The following DNAH8 variants were observed in gnomAD, a reference collection of about 807,000 sequenced individuals.
DNAH8 encodes the protein axonemal beta dynein heavy chain 8.
A neutral mutation model predicts 562.1 loss-of-function variants in DNAH8; 382 were observed. That is an observed-to-expected ratio of 0.68 (90% confidence interval 0.63 to 0.74). The LOEUF (loss-of-function observed/expected upper bound fraction) is 0.74. Ranked by LOEUF, DNAH8 falls within the 30% of genes least tolerant of loss-of-function variation. The pLI is 0.00. For synonymous variants in DNAH8, 1,881 were observed against 1,919.4 expected (o/e 0.98, Z 0.52); for missense variants, 5,203 against 5,620.4 (o/e 0.93, Z 2.37).
At chr6:38,778,053 T>C (rs1048000395) in intron 13 of DNAH8, among the ~76,000 whole-genome samples, 3 of 152,232 alleles carry the variant, frequency 2.0e-5, no homozygotes, top group Non-Finnish European at 4.4e-5. Flanking sequence ...TAATAAAGAC[T>C]CTATTCAACC....
intron 24 of DNAH8, among the ~76,000 whole-genome samples, chr6:38,811,915 G>A (rs555055491): frequency 2.0e-4 from 30 of 152,254 alleles, no homozygotes; most frequent in African/African-American, 5.5e-4. Context: ...GATACTGGGG[G>A]TATGGCAGGT....
Position 38,931,955 on chromosome 6 carries a change from A to G in DNAH8, c.11419A>G (p.Asn3807Asp), listed in dbSNP as rs368737192. 5.2e-5 allele frequency: 84 copies of G among 1,608,620 alleles called. No individual in the cohort carries two copies. Among genetic ancestry groups the G allele is most frequent in the Non-Finnish European group, 6.8e-5 (80 of 1,178,068 alleles). The change falls in exon 76 of 93, where the codon AAT becomes GAT. Residue 3807 changes from asparagine (N) to aspartate (D), a missense_variant. This residue lies in a region of DNAH8 where 1,399 missense variants were observed against 1,518.4 expected (regional missense o/e 0.92). Transcript: ENST00000327475. The stretch of plus-strand genomic sequence containing the variant: ...CACTGTTACAATGAAAGGACTTGAG[A>G]ATCAGTTACTAAGGAGAGTCATTCT... ...DFTVTMKGLENQLLRRVILTE... is the reference protein window; with the variant it reads ...DFTVTMKGLEDQLLRRVILTE...
Position 38,948,936 on chromosome 6 carries a change from A to G in DNAH8, c.12130-516A>G, listed in dbSNP as rs1336908526. Among the ~76,000 whole-genome samples, 7 of 152,298 alleles carry G rather than the reference A, an allele frequency of 4.6e-5. No individual in the cohort carries two copies. The East Asian group carries it at 9.7e-4, about 21-fold the overall frequency. On this transcript the variant is annotated intron_variant, in intron 80 of 92. Coordinates refer to ENST00000327475, the MANE Select transcript of DNAH8 (RefSeq NM_001206927.2). ...TATCATTATTTTTAAGTAGAGATCA[A>G]CATTTAGAGGTTGGGTTATCAGAAT...
intron 91 of DNAH8, among the ~76,000 whole-genome samples, chr6:39,024,853 A>G (rs1767164319): frequency 6.6e-6 from 1 of 152,196 alleles, no homozygotes; most frequent in African/African-American, 2.4e-5. Flanking sequence ...ATGAAACTAT[A>G]GCTTTATAAG....
rs932385141 is a variant in DNAH8, at chr6:39,030,236, C to G, written c.13968C>G (p.Ser4656=). 6.2e-7 allele frequency: 1 copy of G among 1,614,126 alleles called. No homozygotes were observed. The highest frequency in any genetic ancestry group is 1.3e-5 in the African/African-American group (1 of 75,018). Reference sequence around the variant, plus strand: ...TGCTCCACATCTTTGCCATTAACTCCACGGCACCCAAGGACCCCAAGCTGT... The same window carrying G: ...TGCTCCACATCTTTGCCATTAACTCGACGGCACCCAAGGACCCCAAGCTGT... ...LPVLHIFAIN[S]TAPKDPKLYV... is the part of the protein sequence containing the mutation. Residue 4656 remains serine (S), a synonymous_variant, in exon 93 of 93, where the codon TCC becomes TCG. Coordinates refer to ENST00000327475, the MANE Select transcript of DNAH8 (RefSeq NM_001206927.2).
chr6:38,937,835 T>C (rs1783093037), intron 77 of DNAH8, 139 bp from the exon 78 acceptor site: 6 of 997,688 alleles, frequency 6.0e-6, no homozygotes, highest in Admixed American at 2.6e-5. Flanking sequence ...GTCTTAAGAT[T>C]CTACTGTACC....
chr6:38,944,896 C>T (rs1353381046), intron 79 of DNAH8, among the ~76,000 whole-genome samples: 1 of 152,104 alleles, frequency 6.6e-6, no homozygotes, highest in Non-Finnish European at 1.5e-5. Flanking sequence ...TCACTTCCTT[C>T]TTTATTCCCC....
In DNAH8 at chr6:38,938,008, A is replaced by C. The variant is rs140415898; in HGVS notation, c.11598A>C (p.Val3866=). The C allele has an allele frequency of 5.0e-6, 8 of 1,613,310 alleles. No individual in the cohort carries two copies. The highest frequency in any genetic ancestry group is 4.0e-5 in the African/African-American group (3 of 74,664). Residue 3866 remains valine (V), a synonymous_variant, in exon 78 of 93, where the codon GTA becomes GTC. Coordinates refer to ENST00000327475, the MANE Select transcript of DNAH8 (RefSeq NM_001206927.2). ...TAGATGACGAATCTCTCATTGGTGTACTTCGAACTACCAAGCAGACAGCAG... is the reference window on the plus strand; with the variant it reads ...TAGATGACGAATCTCTCATTGGTGTCCTTCGAACTACCAAGCAGACAGCAG... ...SLVDDESLIG[V]LRTTKQTAAE...
chr6:38,950,039 A>G (rs576298393), intron 81 of DNAH8, among the ~76,000 whole-genome samples: 65 of 152,374 alleles, frequency 4.3e-4, no homozygotes, highest in African/African-American at 1.6e-3. Context: ...TTTGAAATAT[A>G]TAAATGCTAC....
intron 26 of DNAH8, among the ~76,000 whole-genome samples, chr6:38,818,874 A>G (rs998544757): frequency 2.0e-5 from 3 of 152,222 alleles, no homozygotes; most frequent in Non-Finnish European, 2.9e-5. Flanking sequence ...AAACTTATTC[A>G]TTCCTCAGAA....
intron 58 of DNAH8, among the ~76,000 whole-genome samples, chr6:38,891,648 A>G (rs1779348498): frequency 6.6e-6 from 1 of 152,208 alleles, no homozygotes; most frequent in African/African-American, 2.4e-5. Context: ...TGCACATGCC[A>G]TTGCACCTCT....
At chr6:38,827,545 A>C (rs1485657630) in intron 29 of DNAH8, among the ~76,000 whole-genome samples, 2 of 151,866 alleles carry the variant, frequency 1.3e-5, no homozygotes, top group African/African-American at 4.8e-5. Flanking sequence ...AATATTTATG[A>C]CTGTTTTATG....
rs767930161 is a variant in DNAH8, at chr6:38,783,139, G to C, written c.2395G>C (p.Ala799Pro). Residue 799 changes from alanine to proline, a missense_variant and splice_region_variant, in exon 17 of 93, where the codon GCT (alanine) becomes CCT (proline). This residue lies in a region of DNAH8 where 2,176 missense variants were observed against 2,365.1 expected (regional missense o/e 0.92). Transcript: ENST00000327475. ...WIREISQLHY[A>P]LQATLFVRHP... ...CAGAGAGATTTCACAGTTGCATTACGGTGTGTATAACACTGCCATGAGCCT... is the reference window on the plus strand; with the variant it reads ...CAGAGAGATTTCACAGTTGCATTACCGTGTGTATAACACTGCCATGAGCCT... 6.2e-6 allele frequency: 10 copies of C among 1,613,622 alleles called. No homozygotes were observed. Among genetic ancestry groups the C allele is most frequent in the Non-Finnish European group, 8.5e-6 (10 of 1,179,808 alleles).
intron 21 of DNAH8, among the ~76,000 whole-genome samples, chr6:38,801,869 C>T (rs1049887933): frequency 6.6e-6 from 1 of 152,156 alleles, no homozygotes. Flanking sequence ...CAAGGCTTTT[C>T]TGGAGAGAAG....
intron 68 of DNAH8, among the ~76,000 whole-genome samples, chr6:38,916,714 C>G (rs979492405): frequency 6.6e-6 from 1 of 152,116 alleles, no homozygotes; most frequent in African/African-American, 2.4e-5. Context: ...CAGTCCTTGC[C>G]TTGATGGTCA....
chr6:38,786,322 T>C (rs183624253), intron 17 of DNAH8, among the ~76,000 whole-genome samples: 56 of 152,310 alleles, frequency 3.7e-4, no homozygotes, highest in Admixed American at 7.2e-4. Flanking sequence ...AGGATGGAGA[T>C]TTAATTTAAA....
rs78200534 is a variant in DNAH8, at chr6:38,929,400, T to A, written c.11119-111T>A. The A allele has an allele frequency of 4.0e-3, 4,427 of 1,105,740 alleles. 58 individuals are homozygous for A. The highest frequency in any genetic ancestry group is 0.037 in the African/African-American group (2,309 of 62,104). The allele number at this position is 1,105,740 out of a possible 1,614,324, so 68.5% of individuals were successfully genotyped here. ...CTTTAATTTTTTTAAGTAAGTCTTC[T>A]TCTATTGCCCTTAAAATTCTTGATT... On this transcript the variant is annotated intron_variant, in intron 74 of 92. Coordinates refer to ENST00000327475, the MANE Select transcript of DNAH8 (RefSeq NM_001206927.2).
intron 71 of DNAH8, 109 bp downstream of exon 71, chr6:38,921,615 C>T (rs1781712736): frequency 8.2e-7 from 1 of 1,221,670 alleles, no homozygotes; most frequent in Non-Finnish European, 1.1e-6. Flanking sequence ...TATTGGCCAG[C>T]ATGCCTATCT....
At chr6:38,909,853 C>T in intron 65 of DNAH8, 109 bp downstream of exon 65, 1 of 893,602 alleles carries the variant, frequency 1.1e-6, no homozygotes, top group Non-Finnish European at 1.7e-6. Context: ...TGAGCACGAG[C>T]TGTATTTTTA....
Sources: gnomAD v4.1 joint callset for allele counts (sites outside exome capture counted in the v4.1 genomes callset) on GRCh38, gnomAD v4.1.1 for gene constraint, gnomAD v4.1.1 regional missense constraint, MANE v1.5 for transcripts, NCBI Gene and HGNC (gene_info 2026-07-23, HGNC 2026-07-21) for gene names.